Variants in NRG3 observed in about 807,000 individuals in gnomAD.
NRG3 encodes the protein neuregulin 3.
NRG3 carries 31 observed loss-of-function variants against 66.9 expected under a neutral mutation model. The observed-to-expected ratio is 0.46, with a 90% confidence interval of 0.35 to 0.63. The LOEUF (loss-of-function observed/expected upper bound fraction) is 0.63. Ranked by LOEUF, NRG3 falls within the 20% of genes least tolerant of loss-of-function variation. The probability of loss-of-function intolerance (pLI) is 0.00; values close to 1 mark genes in which losing one functional copy is unlikely to be tolerated. For synonymous variants in NRG3, 393 were observed against 359.4 expected, an observed-to-expected ratio of 1.09 and a Z score of -1.06; for missense variants, 910 against 878.9, an observed-to-expected ratio of 1.04 and a Z score of -0.45.
rs754656387 is a variant in NRG3 at position 81,878,052 on chromosome 10, T to C, written c.823+1889T>C. ...GTATTTCATGTTCTTTCTCAATTGA[T>C]TTCCTTGTGTACCATTCCGGAGGTC... On this transcript the variant is annotated intron_variant, in intron 1 of 8. Transcript: ENST00000372141. 4 of 1,537,320 alleles carry C rather than the reference T, an allele frequency of 2.6e-6. No individual in the cohort carries two copies. The South Asian group carries it at 4.8e-5, about 18-fold the overall frequency.
At position 81,875,345 on chromosome 10, in the gene NRG3, G is replaced by A. The variant is rs1330489567; in HGVS notation, c.5G>A (p.Ser2Asn). 2.0e-6 allele frequency: 2 copies of A among 988,472 alleles called. No individual in the cohort carries two copies. Among genetic ancestry groups the A allele is most frequent in the African/African-American group, 1.8e-5 (1 of 56,774 alleles). 61.2% of individuals were successfully genotyped at this position (988,472 alleles called of 1,614,324 possible). Residue 2 changes from serine (S) to asparagine (N), a missense_variant, in exon 1 of 9, where the codon AGT (serine) becomes AAT (asparagine). Transcript: ENST00000372141. The surrounding 1 kb of genome is among the most constrained non-coding windows in gnomAD (Gnocchi z 5.3). The part of the protein sequence containing the change: M[S>N]EGAAAASPPG... ...AGGTGAAGACCGGCTCCTAGGATGA[G>A]TGAAGGGGCGGCCGCTGCCTCGCCA...
At chr10:82,136,563 T>G (rs1403048076) in intron 1 of NRG3, among the ~76,000 whole-genome samples, 1 of 152,158 alleles carries the variant, frequency 6.6e-6, no homozygotes, top group Admixed American at 6.6e-5. Context: ...TTTTTTCTAC[T>G]CCTCTCTTTC....
intron 1 of NRG3, among the ~76,000 whole-genome samples, chr10:82,248,909 C>T (rs1296357746): frequency 1.3e-5 from 2 of 152,160 alleles, no homozygotes; most frequent in Non-Finnish European, 2.9e-5. Context: ...CTGCAAGTCT[C>T]AGTATAATAG....
At chr10:82,193,093 A>T (rs987399592) in intron 1 of NRG3, among the ~76,000 whole-genome samples, 3 of 152,078 alleles carry the variant, frequency 2.0e-5, no homozygotes, top group African/African-American at 4.8e-5. Context: ...TATAAGTGCA[A>T]TGGGAAACCA....
chr10:82,238,919 T>TATATATATATATATATGTATATAC (rs372472574), intron 1 of NRG3, among the ~76,000 whole-genome samples: 3 of 142,140 alleles, frequency 2.1e-5, no homozygotes, highest in African/African-American at 8.0e-5. Flanking sequence ...ACCGTATATA[T>TATATATATATATATATGTATATAC]ATATATATAA....
intron 2 of NRG3, among the ~76,000 whole-genome samples, chr10:82,657,613 C>A (rs910126322): frequency 6.6e-6 from 1 of 151,638 alleles, no homozygotes; most frequent in Non-Finnish European, 1.5e-5. Context: ...CTATATTCAC[C>A]CTGGGGAAAT....
intron 4 of NRG3, among the ~76,000 whole-genome samples, chr10:82,872,958 G>C (rs560789094): frequency 6.6e-6 from 1 of 152,006 alleles, no homozygotes; most frequent in African/African-American, 2.4e-5. Flanking sequence ...CTTTAGGACC[G>C]GAAAGAGGAT....
At chr10:82,099,115 C>A (rs1467205810) in intron 1 of NRG3, among the ~76,000 whole-genome samples, 5 of 152,046 alleles carry the variant, frequency 3.3e-5, no homozygotes, top group East Asian at 1.9e-4. Flanking sequence ...ATTATGATTT[C>A]TTTTTTCTTT....
At chr10:81,968,784 T>A (rs1444711760) in intron 1 of NRG3, among the ~76,000 whole-genome samples, 1 of 152,086 alleles carries the variant, frequency 6.6e-6, no homozygotes, top group Non-Finnish European at 1.5e-5. Flanking sequence ...CTAAAGAGGG[T>A]GATTTTTGAC....
At chr10:82,254,575 A>G (rs1307047867) in intron 1 of NRG3, among the ~76,000 whole-genome samples, 1 of 152,172 alleles carries the variant, frequency 6.6e-6, no homozygotes, top group Non-Finnish European at 1.5e-5. Context: ...GGGTTAAAGC[A>G]AGAAATATAT....
intron 2 of NRG3, among the ~76,000 whole-genome samples, chr10:82,512,331 G>T (rs1845263740): frequency 6.6e-6 from 1 of 151,342 alleles, no homozygotes; most frequent in Admixed American, 6.6e-5. Flanking sequence ...TGTTGCCCAG[G>T]CTGGAGTGCA....
At chr10:81,943,056 A>G (rs1270358454) in intron 1 of NRG3, among the ~76,000 whole-genome samples, 2 of 152,076 alleles carry the variant, frequency 1.3e-5, no homozygotes, top group Middle Eastern at 3.2e-3. Context: ...CATATTTTAC[A>G]CTTTACATCT....
intron 1 of NRG3, among the ~76,000 whole-genome samples, chr10:82,092,956 A>G (rs1255282333): frequency 6.6e-6 from 1 of 152,112 alleles, no homozygotes; most frequent in Non-Finnish European, 1.5e-5. Context: ...TTTTCTTTCC[A>G]TGTGCAATGA....
intron 1 of NRG3, among the ~76,000 whole-genome samples, chr10:82,276,096 T>C (rs1164149735): frequency 6.6e-6 from 1 of 151,918 alleles, no homozygotes; most frequent in Non-Finnish European, 1.5e-5. Context: ...CAACAATAAG[T>C]TCGTTTTATT....
At chr10:82,615,445 T>TA (rs2048587679) in intron 2 of NRG3, among the ~76,000 whole-genome samples, 1 of 152,194 alleles carries the variant, frequency 6.6e-6, no homozygotes, top group Admixed American at 6.5e-5. Context: ...GGCTATTGGA[T>TA]AAAAAATGTT....
intron 1 of NRG3, among the ~76,000 whole-genome samples, chr10:81,970,449 T>C (rs1388888035): frequency 1.3e-5 from 2 of 152,244 alleles, no homozygotes; most frequent in African/African-American, 2.4e-5. Flanking sequence ...TAGCAGTTTT[T>C]TAATTGATTC....
chr10:82,676,909 G>A (rs2053731853), intron 2 of NRG3, among the ~76,000 whole-genome samples: 1 of 151,758 alleles, frequency 6.6e-6, no homozygotes, highest in Non-Finnish European at 1.5e-5. Context: ...AGGTCACTTT[G>A]AGGCAGAGAA....
intron 1 of NRG3, among the ~76,000 whole-genome samples, chr10:82,037,859 A>G (rs953295169): frequency 6.6e-6 from 1 of 151,994 alleles, no homozygotes; most frequent in Non-Finnish European, 1.5e-5. Flanking sequence ...TGTGTATGCC[A>G]TGTTTATGAA....
chr10:82,154,531 G>C (rs2071038485), intron 1 of NRG3, among the ~76,000 whole-genome samples: 1 of 150,938 alleles, frequency 6.6e-6, no homozygotes, highest in African/African-American at 2.4e-5. Flanking sequence ...TTTTGCTCAA[G>C]ATTGCTTTGG....
Sources: gnomAD v4.1 joint callset for allele counts (sites outside exome capture counted in the v4.1 genomes callset) on GRCh38, gnomAD v4.1.1 for gene constraint, Gnocchi (gnomAD v3.1) non-coding constraint, MANE v1.5 for transcripts, NCBI Gene and HGNC (gene_info 2026-07-23, HGNC 2026-07-21) for gene names.